MED25: variants seen among roughly 807,000 people sequenced by gnomAD.
MED25 encodes mediator complex subunit 25.
MED25 carries 62 observed loss-of-function variants against 89.4 expected under a neutral mutation model. The ratio of observed to expected loss-of-function variants is 0.69; its 90% confidence interval spans 0.57 to 0.86. The LOEUF (loss-of-function observed/expected upper bound fraction) is 0.86. Among genes scored for constraint, MED25 ranks in the 40% least tolerant of loss-of-function variants. The probability of loss-of-function intolerance (pLI) is 0.00; values close to 1 mark genes in which losing one functional copy is unlikely to be tolerated. For missense variants in MED25, 905 were observed against 1,005.2 expected (o/e 0.90, Z 1.35); for synonymous variants, 449 against 427.9 (o/e 1.05, Z -0.61).
In MED25 at chr19:49,830,136, C is replaced by G. The variant is rs2074044016; in HGVS notation, c.737C>G (p.Pro246Arg). ...CCCCTCCAGTCAAAGCAGCCAGTCC[C>G]CCTGCCTCCCGCCGCACCCTCAGGT... The part of the protein sequence containing the change: ...PGPLQSKQPV[P>R]LPPAAPSGAT... Residue 246 changes from proline to arginine, a missense_variant, in exon 7 of 18, where the codon CCC becomes CGC. By Grantham distance (103) the Pro-to-Arg change is moderately radical. Transcript: ENST00000312865. The surrounding 1 kb of genome is among the most constrained non-coding windows in gnomAD (Gnocchi z 4.6). 1 of 1,608,340 alleles carries G rather than the reference C, an allele frequency of 6.2e-7. No individual in the cohort carries two copies. Among genetic ancestry groups the G allele is most frequent in the Non-Finnish European group, 8.5e-7 (1 of 1,177,132 alleles).
rs748824736 is a variant in MED25, at chr19:49,830,201, GT to G, written c.803del (p.Val268AlafsTer11). ...AGCCCCCCAGCAGCCTCTGCCCCCCGTCCCCCCGCAGTACCAGGTATGGATA... is the reference window on the plus strand; with the variant it reads ...AGCCCCCCAGCAGCCTCTGCCCCCCGCCCCCCGCAGTACCAGGTATGGATA... ...SAAPQQPLPP[V>X]PPQYQVPGNL... On this transcript the variant is annotated frameshift_variant, in exon 7 of 18. Transcript: ENST00000312865. LOFTEE classifies it high-confidence loss of function. This position sits in a 1 kb window ranked among gnomAD's most constrained non-coding sequence, Gnocchi z 4.6. 1 of 1,603,824 alleles carries G rather than the reference GT, an allele frequency of 6.2e-7. No homozygotes were observed. The highest frequency in any genetic ancestry group is 8.5e-7 in the Non-Finnish European group (1 of 1,173,962).
downstream of MED25, chr19:49,839,759 C>T (rs976621601): frequency 6.6e-6 from 1 of 152,206 alleles, no homozygotes; most frequent in Non-Finnish European, 1.5e-5. Flanking sequence ...GTGCTGCAGT[C>T]GGCTTTCAGA....
In MED25 at chr19:49,826,934, C is replaced by G. The variant is rs117671997; in HGVS notation, c.306-1515C>G. On this transcript the variant is annotated intron_variant, in intron 3 of 17. Coordinates refer to ENST00000312865, the MANE Select transcript of MED25 (RefSeq NM_030973.4). ...GCTGGGCCGATGCCGGGCCGAGGGC[C>G]TGGGTTGGTTCCAGTCTTGATGGAC... 3.2e-3 allele frequency among the ~76,000 whole-genome samples: 482 copies of G among 152,290 alleles called. 8 individuals carry two copies. The East Asian group carries it at 0.052, about 17-fold the overall frequency.
chr19:49,828,569 G>T (rs1446942936), intron 4 of MED25, 22 bp downstream of exon 4: 13 of 1,586,906 alleles, frequency 8.2e-6, no homozygotes, highest in African/African-American at 1.3e-5. Context: ...CTCCACCCAG[G>T]CCGGGCCGGT....
chr19:49,818,362 C>T lies in MED25; in HGVS notation c.21C>T (p.Gly7=), dbSNP rs781698423. The part of the protein sequence containing the change: MVPGSE[G]PARAGSVVAD... ...GGGGTATGGTCCCCGGGTCCGAGGG[C>T]CCGGCCCGCGCCGGGAGCGTGGTGG... The change falls in exon 1 of 18, where the codon GGC becomes GGT. Residue 7 remains glycine, a synonymous_variant. Coordinates refer to ENST00000312865, the MANE Select transcript of MED25 (RefSeq NM_030973.4). 3 of 1,604,778 alleles carry T rather than the reference C, an allele frequency of 1.9e-6. No individual in the cohort carries two copies. The highest frequency in any genetic ancestry group is 2.3e-5 in the East Asian group (1 of 44,406).
rs2074093249 is a variant in MED25 at position 49,835,829 on chromosome 19, G to T, written c.1849G>T (p.Ala617Ser). 1 of 1,610,748 alleles carries T rather than the reference G, an allele frequency of 6.2e-7. No individual in the cohort carries two copies. Residue 617 changes from alanine to serine, a missense_variant, in exon 16 of 18, where the codon GCC becomes TCC. By Grantham distance (99) the Ala-to-Ser change is moderately conservative (BLOSUM62 1). Coordinates refer to ENST00000312865, the MANE Select transcript of MED25 (RefSeq NM_030973.4). This position sits in a 1 kb window ranked among gnomAD's most constrained non-coding sequence, Gnocchi z 6.2. ...AGGTACTGCCCAGCCCCCGCCAGGT[G>T]CCCCTCAAGGCCCTCCTGGAGCAGC... is the stretch of plus-strand genomic sequence containing the variant. ...PQGTAQPPPG[A>S]PQGPPGAASG...
chr19:49,827,220 G>A (rs181988202), intron 3 of MED25, among the ~76,000 whole-genome samples: 151 of 152,336 alleles, frequency 9.9e-4, no homozygotes, highest in African/African-American at 3.5e-3. Flanking sequence ...GGCAACCACA[G>A]CTGCCCTTGA....
chr19:49,818,528 A>G (rs776684046), intron 1 of MED25, 43 bp from the exon 2 acceptor site: 3 of 1,614,064 alleles, frequency 1.9e-6, no homozygotes, highest in African/African-American at 1.3e-5. Flanking sequence ...AGTTTCGCAC[A>G]GTTTCTTGCC....
Position 49,830,347 on chromosome 19 carries a change from A to T in MED25, c.819+129A>T, listed in dbSNP as rs893003130. On this transcript the variant is annotated intron_variant, in intron 7 of 17. Transcript: ENST00000312865. This position sits in a 1 kb window ranked among gnomAD's most constrained non-coding sequence, Gnocchi z 4.6. ...TCCCATGGGACATTGGGAAGGTGGG[A>T]CTCTTGGGGCCATGGAAGCTCATGT... 1 of 1,173,996 alleles carries T rather than the reference A, an allele frequency of 8.5e-7. No individual in the cohort carries two copies. The highest frequency in any genetic ancestry group is 1.2e-6 in the Non-Finnish European group (1 of 812,248). The allele number at this position is 1,173,996 out of a possible 1,614,324, so 72.7% of individuals were successfully genotyped here.
At chr19:49,823,639 C>T (rs1443940729) in intron 3 of MED25, among the ~76,000 whole-genome samples, 3 of 152,162 alleles carry the variant, frequency 2.0e-5, no homozygotes, top group African/African-American at 7.2e-5. Context: ...CGGCCGTTAC[C>T]TCTGTATGCT....
At position 49,835,596 on chromosome 19, in the gene MED25, A is replaced by C; in HGVS notation, c.1737A>C (p.Ser579=). The C allele has an allele frequency of 6.4e-7, 1 of 1,562,462 alleles. No homozygotes were observed. Reference sequence around the variant, plus strand: ...TTCTGGAGGACCAAGCCAGGCCCTCACAGAATCTGGTGAGGACAGGGCTGG... The same window carrying C: ...TTCTGGAGGACCAAGCCAGGCCCTCCCAGAATCTGGTGAGGACAGGGCTGG... ...GPILEDQARP[S]QNLLQLRPPQ... The change falls in exon 15 of 18, where the codon TCA becomes TCC. Residue 579 remains serine, a synonymous_variant. Transcript: ENST00000312865. This position sits in a 1 kb window ranked among gnomAD's most constrained non-coding sequence, Gnocchi z 6.2.
rs1306258878 is a variant in MED25, at chr19:49,830,153, C to A, written c.754C>A (p.Pro252Thr). 1 of 1,603,160 alleles carries A rather than the reference C, an allele frequency of 6.2e-7. No homozygotes were observed. The highest frequency in any genetic ancestry group is 8.5e-7 in the Non-Finnish European group (1 of 1,171,730). ...GCCAGTCCCCCTGCCTCCCGCCGCA[C>A]CCTCAGGTGCCACTCTCTCAGCAGC... is the stretch of plus-strand genomic sequence containing the variant. ...KQPVPLPPAAPSGATLSAAPQ... is the reference protein window; with the variant it reads ...KQPVPLPPAATSGATLSAAPQ... The change falls in exon 7 of 18, where the codon CCC (proline) becomes ACC (threonine). Residue 252 changes from proline to threonine, a missense_variant. Pro to Thr is a conservative substitution (Grantham distance 38). Coordinates refer to ENST00000312865, the MANE Select transcript of MED25 (RefSeq NM_030973.4). The surrounding 1 kb of genome is among the most constrained non-coding windows in gnomAD (Gnocchi z 4.6).
intron 2 of MED25, 125 bp from the exon 3 acceptor site, chr19:49,819,047 G>A (rs2073962321): frequency 8.2e-7 from 1 of 1,215,630 alleles, no homozygotes. Context: ...TGCTGGGTCT[G>A]AGGAAGGAGG....
Position 49,831,369 on chromosome 19 carries a change from T to C in MED25, c.1138T>C (p.Ser380Pro). Reference sequence around the variant, plus strand: ...GGCCCCAGGAGGGGTGAGCGGCCCTTCCCCAGCCCAGCTGGGAGCCCCAGC... The same window carrying C: ...GGCCCCAGGAGGGGTGAGCGGCCCTCCCCCAGCCCAGCTGGGAGCCCCAGC... ...TVAPGGVSGP[S>P]PAQLGAPALG... The change falls in exon 10 of 18, where the codon TCC (serine) becomes CCC (proline). Residue 380 changes from serine (S) to proline (P), a missense_variant. Physicochemically the swap from Ser to Pro is moderately conservative, Grantham distance 74 (BLOSUM62 -1). This residue lies in a region of MED25 where 501 missense variants were observed against 526.9 expected (regional missense o/e 0.95). Transcript: ENST00000312865. This position sits in a 1 kb window ranked among gnomAD's most constrained non-coding sequence, Gnocchi z 5.0. 6.2e-7 allele frequency: 1 copy of C among 1,610,872 alleles called. No homozygotes were observed. Among genetic ancestry groups the C allele is most frequent in the Non-Finnish European group, 8.5e-7 (1 of 1,178,838 alleles).
Position 49,830,194 on chromosome 19 carries a change from G to T in MED25, c.795G>T (p.Leu265=). 1 of 1,606,758 alleles carries T rather than the reference G, an allele frequency of 6.2e-7. No individual in the cohort carries two copies. ...TCTCAGCAGCCCCCCAGCAGCCTCTGCCCCCCGTCCCCCCGCAGTACCAGG... is the reference window on the plus strand; with the variant it reads ...TCTCAGCAGCCCCCCAGCAGCCTCTTCCCCCCGTCCCCCCGCAGTACCAGG... ...ATLSAAPQQP[L]PPVPPQYQVP... Residue 265 remains leucine (L), a synonymous_variant, in exon 7 of 18, where the codon CTG becomes CTT. Coordinates refer to ENST00000312865, the MANE Select transcript of MED25 (RefSeq NM_030973.4). The surrounding 1 kb of genome is among the most constrained non-coding windows in gnomAD (Gnocchi z 4.6).
At chr19:49,826,698 G>A (rs189907419) in intron 3 of MED25, among the ~76,000 whole-genome samples, 49 of 152,334 alleles carry the variant, frequency 3.2e-4, no homozygotes, top group African/African-American at 1.2e-3. Flanking sequence ...AGGGCAGGCC[G>A]TAAAATTAGG....
chr19:49,837,634 T>C (rs2123891311), downstream of MED25, among the ~76,000 whole-genome samples: 1 of 151,838 alleles, frequency 6.6e-6, no homozygotes, highest in East Asian at 1.9e-4. Context: ...TGTCGGGGGC[T>C]GGGGTAGAGG....
Position 49,831,303 on chromosome 19 carries a change from C to G in MED25, c.1102-30C>G. 3 of 1,605,074 alleles carry G rather than the reference C, an allele frequency of 1.9e-6. No individual in the cohort carries two copies. The highest frequency in any genetic ancestry group is 2.2e-5 in the East Asian group (1 of 44,738). ...CCGGAGGCTCCCGGCCTTCCCCATT[C>G]TCATGGCCCTCCTTCCTCCCCTCTG... On this transcript the variant is annotated intron_variant, in intron 9 of 17. Coordinates refer to ENST00000312865, the MANE Select transcript of MED25 (RefSeq NM_030973.4). This position sits in a 1 kb window ranked among gnomAD's most constrained non-coding sequence, Gnocchi z 5.0.
At chr19:49,820,489 C>A (rs1383507872) in intron 3 of MED25, among the ~76,000 whole-genome samples, 1 of 152,224 alleles carries the variant, frequency 6.6e-6, no homozygotes, top group African/African-American at 2.4e-5. Context: ...CTTCTCATGA[C>A]CTTCGCTGTA....
Sources: allele counts gnomAD v4.1 joint callset (sites outside exome capture counted in the v4.1 genomes callset), GRCh38; gene constraint gnomAD v4.1.1; regional missense constraint gnomAD v4.1.1; non-coding constraint Gnocchi (gnomAD v3.1); transcripts MANE v1.5; gene names NCBI Gene and HGNC (gene_info 2026-07-23, HGNC 2026-07-21).